EXOC6B: variants seen among roughly 807,000 people sequenced by gnomAD.
EXOC6B encodes the protein exocyst complex component 6B, also known as SEC15 homolog B.
EXOC6B carries 54 observed loss-of-function variants against 113.5 expected under a neutral mutation model. That is an observed-to-expected ratio of 0.48 (90% CI 0.38 to 0.60). The LOEUF is 0.60. EXOC6B is among the 20% of genes least tolerant of loss of function. EXOC6B has a pLI of 0.00. For missense variants in EXOC6B, 797 were observed against 977.5 expected, an observed-to-expected ratio of 0.82 and a Z score of 2.46; for synonymous variants, 357 against 339.0, an observed-to-expected ratio of 1.05 and a Z score of -0.58.
chr2:72,719,327 G>A (rs1299635309), intron 5 of EXOC6B, among the ~76,000 whole-genome samples: 2 of 152,166 alleles, frequency 1.3e-5, no homozygotes, highest in East Asian at 3.8e-4. Flanking sequence ...CTGGTCAAAT[G>A]TTACAATTTG....
At position 72,365,593 on chromosome 2, in the gene EXOC6B, C is replaced by T. The variant is rs575502632; in HGVS notation, c.2122+14136G>A. On this transcript the variant is annotated intron_variant, in intron 19 of 21. Coordinates refer to ENST00000272427, the MANE Select transcript of EXOC6B (RefSeq NM_015189.3). ...GAGACTAGAGCCCAGGAGTTCAAGGCAACAAGTATTTACAGGACTGAGTAT... is the reference window on the plus strand; with the variant it reads ...GAGACTAGAGCCCAGGAGTTCAAGGTAACAAGTATTTACAGGACTGAGTAT... Among the ~76,000 whole-genome samples, 3 of 152,192 alleles carry T rather than the reference C, an allele frequency of 2.0e-5. No homozygotes were observed. In the South Asian group the frequency reaches 6.2e-4, roughly 32 times the overall value.
chr2:72,706,877 T>C (rs951821474), intron 6 of EXOC6B, among the ~76,000 whole-genome samples: 2 of 152,216 alleles, frequency 1.3e-5, no homozygotes, highest in Non-Finnish European at 2.9e-5. Context: ...AATAAAGTGA[T>C]AAAGCTTCCA....
chr2:72,481,352 C>A (rs1223656499), intron 16 of EXOC6B, among the ~76,000 whole-genome samples: 1 of 152,182 alleles, frequency 6.6e-6, no homozygotes, highest in African/African-American at 2.4e-5. Context: ...GAACACTTAT[C>A]ACTGTATTCT....
chr2:72,443,002 A>C (rs906451104), intron 18 of EXOC6B, among the ~76,000 whole-genome samples: 1 of 152,164 alleles, frequency 6.6e-6, no homozygotes, highest in African/African-American at 2.4e-5. Context: ...ACACGGCTAC[A>C]ATAACCAAAA....
intron 18 of EXOC6B, among the ~76,000 whole-genome samples, chr2:72,443,606 T>C (rs1387822286): frequency 2.0e-5 from 3 of 151,786 alleles, no homozygotes; most frequent in Non-Finnish European, 4.4e-5. Flanking sequence ...TAAAAAGAGG[T>C]TTAATAGACT....
At chr2:72,435,799 C>A (rs898813568) in intron 18 of EXOC6B, among the ~76,000 whole-genome samples, 11 of 151,802 alleles carry the variant, frequency 7.2e-5, no homozygotes, top group Admixed American at 7.2e-4. Context: ...TGTCTTTGCA[C>A]GTGAGATGGA....
intron 20 of EXOC6B, among the ~76,000 whole-genome samples, chr2:72,324,937 A>G (rs1052378762): frequency 3.3e-5 from 5 of 152,156 alleles, no homozygotes; most frequent in Admixed American, 6.6e-5. Context: ...CTCTCTGCTA[A>G]CCTACTGGGA....
chr2:72,286,573 C>A (rs1208026648), intron 20 of EXOC6B, among the ~76,000 whole-genome samples: 1 of 152,064 alleles, frequency 6.6e-6, no homozygotes, highest in Non-Finnish European at 1.5e-5. Flanking sequence ...ATGATGGATA[C>A]TTGTCATTAG....
intron 18 of EXOC6B, among the ~76,000 whole-genome samples, chr2:72,399,746 T>C (rs1159848227): frequency 6.6e-6 from 1 of 152,066 alleles, no homozygotes; most frequent in East Asian, 1.9e-4. Flanking sequence ...TGGTAAAAGA[T>C]TGCTACAAGG....
intron 5 of EXOC6B, among the ~76,000 whole-genome samples, chr2:72,730,729 C>G (rs1680587690): frequency 2.0e-5 from 3 of 151,904 alleles, no homozygotes; most frequent in African/African-American, 7.3e-5. Flanking sequence ...ATATCTCAAA[C>G]CAACTATCAC....
chr2:72,492,492 G>A, intron 15 of EXOC6B, 63 bp from the exon 16 acceptor site: 2 of 921,082 alleles, frequency 2.2e-6, no homozygotes, highest in Non-Finnish European at 3.6e-6. Flanking sequence ...CAAACAAACG[G>A]TGCCAGTGGT....
At chr2:72,672,572 A>AAAAAG in intron 6 of EXOC6B, among the ~76,000 whole-genome samples, 2 of 151,884 alleles carry the variant, frequency 1.3e-5, no homozygotes, top group East Asian at 3.9e-4. Flanking sequence ...AAAGAAAAAG[A>AAAAAG]AAAAGAAAAG....
chr2:72,226,764 C>T (rs1681267861), intron 20 of EXOC6B, among the ~76,000 whole-genome samples: 1 of 152,214 alleles, frequency 6.6e-6, no homozygotes, highest in Admixed American at 6.5e-5. Flanking sequence ...GGACTAACTT[C>T]GCTCATTAAG....
chr2:72,547,408 G>A (rs1702970737), intron 8 of EXOC6B, among the ~76,000 whole-genome samples: 1 of 152,132 alleles, frequency 6.6e-6, no homozygotes, highest in Non-Finnish European at 1.5e-5. Context: ...TTAATCAAAG[G>A]TGAACATTTT....
intron 8 of EXOC6B, 74 bp downstream of exon 8, chr2:72,559,379 C>A: frequency 9.5e-7 from 1 of 1,053,272 alleles, no homozygotes; most frequent in South Asian, 2.4e-5. Context: ...AACAGAAAAA[C>A]TACCAAAAGT....
At chr2:72,340,220 G>C (rs887026918) in intron 19 of EXOC6B, among the ~76,000 whole-genome samples, 9 of 152,046 alleles carry the variant, frequency 5.9e-5, no homozygotes, top group Admixed American at 2.0e-4. Flanking sequence ...AGTTAGGAGG[G>C]GCCTTGAGAA....
intron 18 of EXOC6B, among the ~76,000 whole-genome samples, chr2:72,456,433 A>G (rs1558684520): frequency 6.6e-6 from 1 of 152,148 alleles, no homozygotes; most frequent in African/African-American, 2.4e-5. Context: ...AAAACTTACT[A>G]TGCACTATTT....
At chr2:72,202,704 AC>A (rs1361502561) in intron 20 of EXOC6B, among the ~76,000 whole-genome samples, 1 of 152,232 alleles carries the variant, frequency 6.6e-6, no homozygotes, top group Admixed American at 6.5e-5. Context: ...AGAAGTAGAT[AC>A]TAAGGTGACA....
At chr2:72,651,975 TG>T (rs1674200121) in intron 6 of EXOC6B, among the ~76,000 whole-genome samples, 1 of 152,198 alleles carries the variant, frequency 6.6e-6, no homozygotes, top group African/African-American at 2.4e-5. Flanking sequence ...TATAATAATT[TG>T]GCCTGCCTCT....
Sources: gnomAD v4.1 joint callset for allele counts (sites outside exome capture counted in the v4.1 genomes callset) on GRCh38, gnomAD v4.1.1 for gene constraint, MANE v1.5 for transcripts, NCBI Gene and HGNC (gene_info 2026-07-23, HGNC 2026-07-21) for gene names.